Variants in ELOVL5 observed in about 807,000 individuals in gnomAD.
ELOVL5 encodes the protein ELOVL fatty acid elongase 5, also known as very long chain fatty acid elongase 5.
A neutral mutation model predicts 38.6 loss-of-function variants in ELOVL5; 8 were observed. The ratio of observed to expected loss-of-function variants is 0.21; its 90% CI spans 0.12 to 0.37. ELOVL5 has a LOEUF of 0.37. Among genes scored for constraint, ELOVL5 ranks in the 10% least tolerant of loss-of-function variants. ELOVL5 has a pLI of 1.00. For synonymous variants in ELOVL5, 127 were observed against 133.7 expected (o/e 0.95, Z 0.34); for missense variants, 280 against 367.8 (o/e 0.76, Z 1.95).
chr6:53,276,412 A>C (rs1398840995), intron 3 of ELOVL5, among the ~76,000 whole-genome samples, 156 bp from the exon 4 acceptor site: 2 of 152,220 alleles, frequency 1.3e-5, no homozygotes, highest in Non-Finnish European at 2.9e-5. Flanking sequence ...TGTAAACAAA[A>C]GGAAAGCTTT....
At chr6:53,292,730 G>A (rs1766820800) in intron 2 of ELOVL5, among the ~76,000 whole-genome samples, 1 of 152,204 alleles carries the variant, frequency 6.6e-6, no homozygotes, top group Admixed American at 6.5e-5. Flanking sequence ...GGAAGAGGCT[G>A]CAGTGAGCTG....
At chr6:53,325,690 G>A (rs1041338284) in intron 1 of ELOVL5, among the ~76,000 whole-genome samples, 21 of 152,180 alleles carry the variant, frequency 1.4e-4, no homozygotes, top group African/African-American at 1.9e-4. Context: ...TGGTAGGTTT[G>A]GGCAGGCCAA....
At chr6:53,284,125 G>C (rs749886339) in intron 3 of ELOVL5, among the ~76,000 whole-genome samples, 1 of 151,922 alleles carries the variant, frequency 6.6e-6, no homozygotes, top group Admixed American at 6.6e-5. Flanking sequence ...GGGCAACAAA[G>C]TGAGACTCCA....
Position 53,273,268 on chromosome 6 carries a change from G to A in ELOVL5, c.573C>T (p.Ser191=). 6.2e-7 allele frequency: 1 copy of A among 1,613,900 alleles called. No individual in the cohort carries two copies. The highest frequency in any genetic ancestry group is 1.3e-5 in the African/African-American group (1 of 75,044). ...YSYYGLSSVP[S]MRPYLWWKKY... ...TCTTCCACCAGAGGTATGGACGCAT[G>A]GAAGGGACTGACGACAAACCATAGT... Residue 191 remains serine, a synonymous_variant, in exon 6 of 8, where the codon TCC becomes TCT. Coordinates refer to ENST00000304434, the MANE Select transcript of ELOVL5 (RefSeq NM_021814.5).
intron 4 of ELOVL5, 27 bp downstream of exon 4, chr6:53,276,144 TTATAATAA>T (rs759027959): frequency 6.9e-7 from 1 of 1,451,980 alleles, no homozygotes; most frequent in Non-Finnish European, 9.6e-7. Flanking sequence ...AACTCAACAC[TTATAATAA>T]TAAAGTTTCT....
At chr6:53,297,757 G>A (rs1767070636) in intron 1 of ELOVL5, among the ~76,000 whole-genome samples, 1 of 151,644 alleles carries the variant, frequency 6.6e-6, no homozygotes, top group Non-Finnish European at 1.5e-5. Flanking sequence ...TCCATTCTAG[G>A]GGCCTTAGAA....
rs1765990566 is a variant in ELOVL5 at position 53,273,271 on chromosome 6, A to G, written c.570T>C (p.Pro190=). The part of the protein sequence containing the change: ...MYSYYGLSSV[P]SMRPYLWWKK... ...TCCACCAGAGGTATGGACGCATGGA[A>G]GGGACTGACGACAAACCATAGTAAG... Residue 190 remains proline, a synonymous_variant, in exon 6 of 8, where the codon CCT becomes CCC. Coordinates refer to ENST00000304434, the MANE Select transcript of ELOVL5 (RefSeq NM_021814.5). 6.2e-7 allele frequency: 1 copy of G among 1,613,812 alleles called. No homozygotes were observed. The highest frequency in any genetic ancestry group is 1.1e-5 in the South Asian group (1 of 91,082).
chr6:53,270,844 C>T, intron 6 of ELOVL5, 117 bp from the exon 7 acceptor site: 1 of 1,158,846 alleles, frequency 8.6e-7, no homozygotes, highest in Non-Finnish European at 1.2e-6. Flanking sequence ...ACTACCCTTG[C>T]TGCAGGTACA....
intron 1 of ELOVL5, among the ~76,000 whole-genome samples, chr6:53,338,429 C>T: frequency 6.6e-6 from 1 of 152,180 alleles, no homozygotes; most frequent in East Asian, 1.9e-4. Flanking sequence ...GAAACCATCA[C>T]AATATTTATC....
chr6:53,336,175 G>T (rs1196668855), intron 1 of ELOVL5, among the ~76,000 whole-genome samples: 1 of 152,120 alleles, frequency 6.6e-6, no homozygotes, highest in Non-Finnish European at 1.5e-5. Context: ...CTTTTTACTG[G>T]TAACTGTATT....
intron 1 of ELOVL5, among the ~76,000 whole-genome samples, chr6:53,335,844 A>C (rs1027393748): frequency 1.3e-5 from 2 of 152,162 alleles, no homozygotes; most frequent in Non-Finnish European, 2.9e-5. Flanking sequence ...AACTTCCCAT[A>C]AAAGAAAGCA....
At chr6:53,278,414 G>T (rs1454052767) in intron 3 of ELOVL5, among the ~76,000 whole-genome samples, 1 of 152,144 alleles carries the variant, frequency 6.6e-6, no homozygotes, top group East Asian at 1.9e-4. Flanking sequence ...GGTTGAAGGG[G>T]TCTTGTTAAC....
At chr6:53,320,482 C>T (rs771763524) in intron 1 of ELOVL5, among the ~76,000 whole-genome samples, 14 of 151,990 alleles carry the variant, frequency 9.2e-5, no homozygotes, top group African/African-American at 1.4e-4. Context: ...ACTACAAGCA[C>T]CCACCACCGC....
intron 1 of ELOVL5, among the ~76,000 whole-genome samples, chr6:53,348,203 C>G (rs1015074633): frequency 3.3e-5 from 5 of 152,182 alleles, no homozygotes; most frequent in Non-Finnish European, 7.4e-5. Context: ...GAAGCGGTCC[C>G]GAGCTAGCAG....
Position 53,280,327 on chromosome 6 carries a change from CA to C in ELOVL5, c.247-4072del, listed in dbSNP as rs570757284. Among the ~76,000 whole-genome samples, 482 of 152,326 alleles carry C rather than the reference CA, an allele frequency of 3.2e-3. 1 individual carries two copies. Among genetic ancestry groups the C allele is most frequent in the Non-Finnish European group, 3.4e-3 (228 of 68,038 alleles). On this transcript the variant is annotated intron_variant, in intron 3 of 7. Coordinates refer to ENST00000304434, the MANE Select transcript of ELOVL5 (RefSeq NM_021814.5). ...ACCACTGCCAACTCCAAGAACCACC[CA>C]GGGGCATTATTTGCAGGCTTTTTTC...
At chr6:53,288,573 A>C (rs1390460838) in intron 3 of ELOVL5, among the ~76,000 whole-genome samples, 1 of 152,244 alleles carries the variant, frequency 6.6e-6, no homozygotes, top group African/African-American at 2.4e-5. Flanking sequence ...AGTTAATGAG[A>C]TATAGAAGTA....
chr6:53,294,640 C>G (rs1328424071), intron 2 of ELOVL5: 1 of 1,216,550 alleles, frequency 8.2e-7, no homozygotes, highest in Admixed American at 2.9e-5. Flanking sequence ...ATTTTTTGTC[C>G]CTTACAGCTA....
intron 3 of ELOVL5, chr6:53,290,549 G>C (rs550625702): frequency 6.6e-6 from 1 of 151,760 alleles, no homozygotes; most frequent in South Asian, 2.1e-4. Flanking sequence ...GAATAGGACA[G>C]AAAAAAAAGC....
In ELOVL5 at chr6:53,280,525, C is replaced by A. The variant is rs185198863; in HGVS notation, c.247-4269G>T. Among the ~76,000 whole-genome samples, 4 of 152,322 alleles carry A rather than the reference C, an allele frequency of 2.6e-5. No homozygotes were observed. In the East Asian group the frequency reaches 5.8e-4, roughly 22 times the overall value. On this transcript the variant is annotated intron_variant, in intron 3 of 7. Transcript: ENST00000304434. The stretch of plus-strand genomic sequence containing the variant: ...AGTCAATAACCCTGATGGTTTCATG[C>A]ACCTTTTCAATGAAAGAAAAAAATG...
Sources: allele counts gnomAD v4.1 joint callset (sites outside exome capture counted in the v4.1 genomes callset), GRCh38; gene constraint gnomAD v4.1.1; transcripts MANE v1.5; gene names NCBI Gene and HGNC (gene_info 2026-07-23, HGNC 2026-07-21).